Variants in TTLL5 observed in about 807,000 individuals in gnomAD.
TTLL5 encodes the protein tubulin tyrosine ligase like 5, also known as tubulin polyglutamylase TTLL5.
In TTLL5, 132 loss-of-function variants were observed where a neutral mutation model predicts 168.4. That is an observed-to-expected ratio of 0.78 (90% CI 0.68 to 0.91). The LOEUF is 0.91. TTLL5 is among the 40% of genes least tolerant of loss of function. TTLL5 has a pLI of 0.00. For synonymous variants in TTLL5, 546 were observed against 558.6 expected (o/e 0.98, Z 0.32); for missense variants, 1,545 against 1,581.5 (o/e 0.98, Z 0.39).
chr14:75,720,790 T>TC, intron 12 of TTLL5, 87 bp downstream of exon 12: 1 of 1,060,918 alleles, frequency 9.4e-7, no homozygotes, highest in Non-Finnish European at 1.5e-6. Flanking sequence ...GCTTAGTGAT[T>TC]CTATAGCAGT....
intron 27 of TTLL5, among the ~76,000 whole-genome samples, chr14:75,812,690 A>C (rs1053863608): frequency 1.3e-5 from 2 of 152,156 alleles, no homozygotes; most frequent in African/African-American, 2.4e-5. Flanking sequence ...TGTTTTTTGG[A>C]AAATCCCCTG....
intron 28 of TTLL5, among the ~76,000 whole-genome samples, chr14:75,830,562 T>A (rs1895503841): frequency 6.6e-6 from 1 of 152,218 alleles, no homozygotes; most frequent in Non-Finnish European, 1.5e-5. Context: ...TATACAGTTT[T>A]TATTTTTTCA....
rs745935869 is a variant in TTLL5 at position 75,745,153 on chromosome 14, G to A, written c.1340G>A (p.Arg447Gln). 103 of 1,613,806 alleles carry A rather than the reference G, an allele frequency of 6.4e-5. No homozygotes were observed. The highest frequency in any genetic ancestry group is 8.6e-5 in the Non-Finnish European group (102 of 1,179,898). Residue 447 changes from arginine to glutamine, a missense_variant, in exon 16 of 32, where the codon CGG (arginine) becomes CAG (glutamine). Coordinates refer to ENST00000298832, the MANE Select transcript of TTLL5 (RefSeq NM_015072.5). ...ATGAAAAACCTCGTGGGCTCAGCCCGGGAGAAAGGGCCAGGGAAGTTGGGT... is the reference window on the plus strand; with the variant it reads ...ATGAAAAACCTCGTGGGCTCAGCCCAGGAGAAAGGGCCAGGGAAGTTGGGT... ...AEMKNLVGSAREKGPGKLGGS... is the reference protein window; with the variant it reads ...AEMKNLVGSAQEKGPGKLGGS...
intron 27 of TTLL5, among the ~76,000 whole-genome samples, chr14:75,811,894 C>G (rs191123591): frequency 6.6e-6 from 1 of 152,308 alleles, no homozygotes; most frequent in Admixed American, 6.5e-5. Context: ...TAACAAACAG[C>G]AGTAACAAGA....
In TTLL5 at chr14:75,954,456, A is replaced by T. The variant is rs1186549277; in HGVS notation, c.*10A>T. ...TCACACTAAAATATGAACCACAAAC[A>T]CACAGAGAAACAACCTGTTCACCAC... is the stretch of plus-strand genomic sequence containing the variant. On this transcript the variant is annotated 3_prime_UTR_variant, in exon 32 of 32. Coordinates refer to ENST00000298832, the MANE Select transcript of TTLL5 (RefSeq NM_015072.5). 6.2e-7 allele frequency: 1 copy of T among 1,613,770 alleles called. No homozygotes were observed. The highest frequency in any genetic ancestry group is 1.3e-5 in the African/African-American group (1 of 74,944).
At chr14:75,711,080 C>T (rs752526913) in intron 9 of TTLL5, 7 of 152,088 alleles carry the variant, frequency 4.6e-5, no homozygotes, top group African/African-American at 1.2e-4. Flanking sequence ...AAATTAAATT[C>T]GTGAAAACCC....
intron 28 of TTLL5, among the ~76,000 whole-genome samples, chr14:75,825,041 T>C (rs879874339): frequency 6.6e-6 from 1 of 152,194 alleles, no homozygotes. Flanking sequence ...GCTTAGCTTT[T>C]CTGAACCATA....
intron 27 of TTLL5, among the ~76,000 whole-genome samples, chr14:75,793,479 A>T (rs1892832325): frequency 6.6e-6 from 1 of 152,172 alleles, no homozygotes; most frequent in Non-Finnish European, 1.5e-5. Flanking sequence ...ATTACCCTTT[A>T]AAAAAATTTT....
chr14:75,800,010 A>G (rs1260165592), intron 27 of TTLL5, among the ~76,000 whole-genome samples: 1 of 152,180 alleles, frequency 6.6e-6, no homozygotes, highest in East Asian at 1.9e-4. Flanking sequence ...GGATGTCTCG[A>G]TCTTTGGCAA....
chr14:75,771,608 T>C, intron 20 of TTLL5, 126 bp from the exon 21 acceptor site: 2 of 1,350,646 alleles, frequency 1.5e-6, no homozygotes, highest in Non-Finnish European at 2.0e-6. Context: ...GGCTGTAAGA[T>C]GGGTTTCATA....
At chr14:75,854,075 T>A (rs1404083084) in intron 28 of TTLL5, among the ~76,000 whole-genome samples, 2 of 152,002 alleles carry the variant, frequency 1.3e-5, no homozygotes, top group African/African-American at 2.4e-5. Context: ...ATATATATAT[T>A]TTACTGTTCA....
intron 31 of TTLL5, among the ~76,000 whole-genome samples, chr14:75,914,052 A>ATATATATATATATATTTATT (rs1304496430): frequency 8.2e-6 from 1 of 122,396 alleles, no homozygotes; most frequent in Admixed American, 9.0e-5. Flanking sequence ...ATATATATAT[A>ATATATATATATATATTTATT]TATTTTATCC....
chr14:75,697,787 T>G (rs1005230615), intron 6 of TTLL5, among the ~76,000 whole-genome samples: 1 of 152,146 alleles, frequency 6.6e-6, no homozygotes, highest in Non-Finnish European at 1.5e-5. Context: ...TGCCTCTTAA[T>G]AGGTCCAACC....
chr14:75,778,621 GA>G (rs1460175671), intron 23 of TTLL5, among the ~76,000 whole-genome samples: 2 of 152,086 alleles, frequency 1.3e-5, no homozygotes, highest in Admixed American at 1.3e-4. Flanking sequence ...CTGAAGATGG[GA>G]TATAGGTTCT....
At chr14:75,908,583 G>A (rs1362121049) in intron 31 of TTLL5, among the ~76,000 whole-genome samples, 1 of 152,144 alleles carries the variant, frequency 6.6e-6, no homozygotes, top group Non-Finnish European at 1.5e-5. Context: ...TGAGAAAAAC[G>A]TCAGTTGTCC....
In TTLL5 at chr14:75,813,827, T is replaced by TAA. The variant is rs34546490; in HGVS notation, c.3172-6165_3172-6164dup. On this transcript the variant is annotated intron_variant, in intron 27 of 31. Transcript: ENST00000298832. ...ATGTTCTTTGAGTCATGGTTTCAAT[T>TAA]AAAAAAAAAAAAAAAAGCTATAGGT... Among the ~76,000 whole-genome samples, 334 of 139,706 alleles carry TAA rather than the reference T, an allele frequency of 2.4e-3. 1 individual carries two copies. Among genetic ancestry groups the TAA allele is most frequent in the African/African-American group, 4.4e-3 (169 of 37,990 alleles). The allele number at this position is 139,706 out of a possible 152,430, so 91.7% of individuals were successfully genotyped here. A position where few individuals can be genotyped will look rare whatever the true frequency, so the allele number is the denominator to read the frequency against.
intron 6 of TTLL5, among the ~76,000 whole-genome samples, chr14:75,696,840 G>A (rs1446046107): frequency 6.6e-6 from 1 of 152,090 alleles, no homozygotes; most frequent in Non-Finnish European, 1.5e-5. Context: ...ACATTGCCCT[G>A]CACTTTGTTT....
Position 75,782,407 on chromosome 14 carries a change from T to C in TTLL5, c.2516-80T>C, listed in dbSNP as rs943956273. On this transcript the variant is annotated intron_variant, in intron 24 of 31. Coordinates refer to ENST00000298832, the MANE Select transcript of TTLL5 (RefSeq NM_015072.5). ...CATTGATTAGCAGTTGTGTTATATTTTTGGGAATAAAATTATGTATAGAAC... is the reference window on the plus strand; with the variant it reads ...CATTGATTAGCAGTTGTGTTATATTCTTGGGAATAAAATTATGTATAGAAC... 6 of 1,127,386 alleles carry C rather than the reference T, an allele frequency of 5.3e-6. No individual in the cohort carries two copies. In the African/African-American group the frequency reaches 7.9e-5, roughly 15 times the overall value. 69.8% of individuals were successfully genotyped at this position (1,127,386 alleles called of 1,614,324 possible).
At chr14:75,784,224 C>G (rs923729001) in intron 26 of TTLL5, among the ~76,000 whole-genome samples, 3 of 152,174 alleles carry the variant, frequency 2.0e-5, no homozygotes, top group Admixed American at 6.5e-5. Context: ...AACCACTGAT[C>G]TACTTCTCTG....
Sources: gnomAD v4.1 joint callset for allele counts (sites outside exome capture counted in the v4.1 genomes callset) on GRCh38, gnomAD v4.1.1 for gene constraint, MANE v1.5 for transcripts, NCBI Gene and HGNC (gene_info 2026-07-23, HGNC 2026-07-21) for gene names.